PSD2: variants seen among roughly 807,000 people sequenced by gnomAD.
The protein encoded by PSD2 is pleckstrin and Sec7 domain containing 2.
PSD2 carries 38 observed loss-of-function variants against 69.8 expected under a neutral mutation model. The ratio of observed to expected loss-of-function variants is 0.54; its 90% CI spans 0.42 to 0.71. The LOEUF is 0.71. Among genes scored for constraint, PSD2 ranks in the 30% least tolerant of loss-of-function variants. PSD2 has a pLI of 0.00. For missense variants in PSD2, 943 were observed against 1,014.5 expected, an observed-to-expected ratio of 0.93 and a Z score of 0.96; for synonymous variants, 412 against 423.0, an observed-to-expected ratio of 0.97 and a Z score of 0.32.
At chr5:139,761,124 A>G in the PSD2 span, among the ~76,000 whole-genome samples, 141,166 of 152,268 alleles carry the variant, frequency 0.93, 65,448 homozygotes, top group African/African-American at 0.94. Flanking sequence ...AGCATTGCCC[A>G]TCAACATCTC....
At chr5:139,829,104 T>A (rs1040354678) in intron 7 of PSD2, among the ~76,000 whole-genome samples, 7 of 152,156 alleles carry the variant, frequency 4.6e-5, no homozygotes, top group Admixed American at 2.6e-4. Context: ...GTGCATGTCT[T>A]TTTGCCTGGT....
chr5:139,743,207 C>G, the PSD2 span, among the ~76,000 whole-genome samples: 1 of 152,152 alleles, frequency 6.6e-6, no homozygotes, highest in East Asian at 1.9e-4. Context: ...TCTCCAAAGT[C>G]TTGGGGGATG....
intron 7 of PSD2, among the ~76,000 whole-genome samples, chr5:139,831,193 G>A (rs893332047): frequency 2.6e-5 from 4 of 152,082 alleles, no homozygotes; most frequent in African/African-American, 7.2e-5. Flanking sequence ...TTTATGTCTA[G>A]TAATGCTTCT....
chr5:139,828,498 G>T (rs1356036277), intron 7 of PSD2, among the ~76,000 whole-genome samples: 2 of 152,202 alleles, frequency 1.3e-5, no homozygotes, highest in Non-Finnish European at 2.9e-5. Flanking sequence ...GCAGAGGTCT[G>T]CCCATTCTCA....
rs1421187542 is a variant in PSD2, at chr5:139,813,613, A to G, written c.676A>G (p.Ile226Val). 2.5e-6 allele frequency: 4 copies of G among 1,613,656 alleles called. No individual in the cohort carries two copies. In the Admixed American group the frequency reaches 5.0e-5, roughly 20 times the overall value. Residue 226 changes from isoleucine to valine, a missense_variant, in exon 3 of 15, where the codon ATC becomes GTC. Around this residue, in one of 3 missense-constraint regions of PSD2, gnomAD observed 466 missense variants for 445.0 expected, o/e 1.05. Coordinates refer to ENST00000274710, the MANE Select transcript of PSD2 (RefSeq NM_032289.4). ...GELGSPLRRS[I>V]SSSRSENVLS... ...GCTGGGCAGCCCCCTGCGGCGCTCC[A>G]TCTCCAGCAGCCGCTCTGAGAATGT...
At chr5:139,806,391 C>T (rs1355940364) in intron 1 of PSD2, among the ~76,000 whole-genome samples, 1 of 152,214 alleles carries the variant, frequency 6.6e-6, no homozygotes, top group Non-Finnish European at 1.5e-5. Flanking sequence ...GCTCATTCTG[C>T]GTCTCCAGCC....
chr5:139,813,328 C>G lies in PSD2; in HGVS notation c.391C>G (p.Pro131Ala). 2 of 1,558,796 alleles carry G rather than the reference C, an allele frequency of 1.3e-6. No individual in the cohort carries two copies. Among genetic ancestry groups the G allele is most frequent in the Non-Finnish European group, 1.7e-6 (2 of 1,146,742 alleles). ...PQLGLDGPGEPDVRDGFSATF... is the reference protein window; with the variant it reads ...PQLGLDGPGEADVRDGFSATF... ...CCACAGGTTGGATGGTCCCGGGGAG[C>G]CAGATGTGCGGGATGGCTTCAGCGC... Residue 131 changes from proline (P) to alanine (A), a missense_variant, in exon 3 of 15, where the codon CCA becomes GCA. By Grantham distance (27) the Pro-to-Ala change is conservative (BLOSUM62 -1). Transcript: ENST00000274710.
chr5:139,789,554 G>C, the PSD2 span, among the ~76,000 whole-genome samples: 1 of 152,224 alleles, frequency 6.6e-6, no homozygotes, highest in East Asian at 1.9e-4. Flanking sequence ...TTCCAGCCTG[G>C]GTATTCCTGT....
intron 5 of PSD2, among the ~76,000 whole-genome samples, chr5:139,817,850 A>G (rs1760160176): frequency 6.6e-6 from 1 of 152,194 alleles, no homozygotes; most frequent in African/African-American, 2.4e-5. Context: ...CAGATGCTCT[A>G]GGTCTTTACT....
chr5:139,786,006 T>C, the PSD2 span, among the ~76,000 whole-genome samples: 1 of 152,126 alleles, frequency 6.6e-6, no homozygotes, highest in Admixed American at 6.5e-5. Context: ...GGAGGATCCC[T>C]TGAACCCAGG....
chr5:139,765,889 G>A, the PSD2 span, among the ~76,000 whole-genome samples: 1 of 142,566 alleles, frequency 7.0e-6, no homozygotes, highest in African/African-American at 2.5e-5. Context: ...GGTGGCTGCT[G>A]AGCAGTACAG....
chr5:139,766,568 C>T, the PSD2 span, among the ~76,000 whole-genome samples: 11 of 152,192 alleles, frequency 7.2e-5, no homozygotes, highest in Non-Finnish European at 1.5e-4. Flanking sequence ...TTTAGGTGAC[C>T]TTGGCCTGTA....
chr5:139,840,187 T>A lies in PSD2; in HGVS notation c.2112+17T>A, dbSNP rs1165273848. The A allele has an allele frequency of 2.5e-6, 4 of 1,613,242 alleles. No individual in the cohort carries two copies. In the South Asian group the frequency reaches 4.4e-5, roughly 18 times the overall value. On this transcript the variant is annotated intron_variant, in intron 14 of 14. Coordinates refer to ENST00000274710, the MANE Select transcript of PSD2 (RefSeq NM_032289.4). ...ACCTTCGAGGTGAGCCTTGGGGGAC[T>A]GGATTGCAAAGCCCAGTGCCCTGCT...
chr5:139,807,106 C>T (rs551376354), intron 1 of PSD2, among the ~76,000 whole-genome samples: 1 of 152,336 alleles, frequency 6.6e-6, no homozygotes, highest in East Asian at 1.9e-4. Context: ...GGCTGAGCAT[C>T]AAGTGAAGCT....
chr5:139,790,648 C>T, the PSD2 span, among the ~76,000 whole-genome samples: 1 of 152,164 alleles, frequency 6.6e-6, no homozygotes, highest in Non-Finnish European at 1.5e-5. Context: ...CAGATGCTGT[C>T]AGGAAGCTAA....
chr5:139,766,930 C>CT, the PSD2 span, among the ~76,000 whole-genome samples: 4,035 of 43,682 alleles, frequency 0.092, 487 homozygotes, highest in Admixed American at 0.11. Context: ...CCTTCCTTCC[C>CT]TTCTTTCTTT....
At chr5:139,823,121 C>T (rs1043424738) in intron 7 of PSD2, among the ~76,000 whole-genome samples, 6 of 152,236 alleles carry the variant, frequency 3.9e-5, no homozygotes, top group African/African-American at 1.2e-4. Flanking sequence ...ATACCGTGCT[C>T]GGGGCAGCCC....
intron 4 of PSD2, among the ~76,000 whole-genome samples, chr5:139,815,493 G>T (rs1760098056): frequency 6.6e-6 from 1 of 151,972 alleles, no homozygotes; most frequent in African/African-American, 2.4e-5. Flanking sequence ...GCCCAGGGTG[G>T]CCTCTATCCC....
chr5:139,813,214 C>T (rs951051494), intron 2 of PSD2, 95 bp from the exon 3 acceptor site: 8 of 1,037,688 alleles, frequency 7.7e-6, no homozygotes, highest in Non-Finnish European at 1.1e-5. Context: ...AGTGGTGTGC[C>T]CCCAGGGGGC....
Sources: gnomAD v4.1 joint callset for allele counts (sites outside exome capture counted in the v4.1 genomes callset) on GRCh38, gnomAD v4.1.1 for gene constraint, gnomAD v4.1.1 regional missense constraint, MANE v1.5 for transcripts, NCBI Gene and HGNC (gene_info 2026-07-23, HGNC 2026-07-21) for gene names.